TMTC1: variants seen among roughly 807,000 people sequenced by gnomAD.
TMTC1 encodes the protein protein O-mannosyl-transferase TMTC1.
In TMTC1, 73 loss-of-function variants were observed where a neutral mutation model predicts 104.8. The observed-to-expected ratio is 0.70, with a 90% CI of 0.58 to 0.85. The LOEUF is 0.85. Ranked by LOEUF, TMTC1 falls within the 40% of genes least tolerant of loss-of-function variation. The pLI is 0.00. For missense variants in TMTC1, 1,035 were observed against 1,096.1 expected (o/e 0.94, Z 0.79); for synonymous variants, 434 against 428.7 (o/e 1.01, Z -0.15).
At position 29,723,486 on chromosome 12, in the gene TMTC1, C is replaced by T. The variant is rs555200196; in HGVS notation, c.938+28180G>A. Among the ~76,000 whole-genome samples, 5 of 152,106 alleles carry T rather than the reference C, an allele frequency of 3.3e-5. 1 individual carries two copies. In the East Asian group the frequency reaches 9.7e-4, roughly 29 times the overall value. On this transcript the variant is annotated intron_variant, in intron 5 of 17. Transcript: ENST00000539277. ...CTGTAATCCCAGCACTTTGGGAGGC[C>T]AAGGCAGGAAGATCTCTTGAGCACA... is the stretch of plus-strand genomic sequence containing the variant.
At chr12:29,603,275 A>C (rs146456402) in intron 7 of TMTC1, among the ~76,000 whole-genome samples, 20 of 152,254 alleles carry the variant, frequency 1.3e-4, no homozygotes, top group African/African-American at 4.6e-4. Flanking sequence ...TCTAATTATA[A>C]GTGTTTTAAA....
At chr12:29,565,062 A>T (rs1945473109) in intron 9 of TMTC1, among the ~76,000 whole-genome samples, 1 of 152,190 alleles carries the variant, frequency 6.6e-6, no homozygotes, top group Non-Finnish European at 1.5e-5. Flanking sequence ...TTAGGGAGAC[A>T]TTTATCCTAA....
At chr12:29,741,338 TCA>T (rs1318319352) in intron 5 of TMTC1, among the ~76,000 whole-genome samples, 1 of 152,200 alleles carries the variant, frequency 6.6e-6, no homozygotes, top group Non-Finnish European at 1.5e-5. Context: ...CCTCTAACTC[TCA>T]CACAGTTTCT....
At chr12:29,624,781 C>T (rs1004087113) in intron 6 of TMTC1, among the ~76,000 whole-genome samples, 1 of 152,166 alleles carries the variant, frequency 6.6e-6, no homozygotes, top group Admixed American at 6.5e-5. Context: ...GCAGGTGGGA[C>T]TTTCATTTTG....
chr12:29,703,728 G>T (rs1448283876), intron 5 of TMTC1, among the ~76,000 whole-genome samples: 1 of 152,168 alleles, frequency 6.6e-6, no homozygotes, highest in Non-Finnish European at 1.5e-5. Flanking sequence ...CAACCTTAAA[G>T]GTTACCTTAA....
chr12:29,565,218 T>A (rs1945478518), intron 9 of TMTC1, among the ~76,000 whole-genome samples: 1 of 152,130 alleles, frequency 6.6e-6, no homozygotes, highest in African/African-American at 2.4e-5. Context: ...AAGTCTGTCT[T>A]TTTCTGTTAA....
chr12:29,669,269 A>C (rs1485878353), intron 5 of TMTC1, among the ~76,000 whole-genome samples: 1 of 152,246 alleles, frequency 6.6e-6, no homozygotes, highest in African/African-American at 2.4e-5. Context: ...TAATACTGGT[A>C]CAGTGGTGAA....
At chr12:29,734,828 A>G (rs981615771) in intron 5 of TMTC1, among the ~76,000 whole-genome samples, 3 of 152,182 alleles carry the variant, frequency 2.0e-5, no homozygotes, top group African/African-American at 7.2e-5. Flanking sequence ...TTCGGCTTCA[A>G]GACCATCTAT....
Position 29,643,708 on chromosome 12 carries a change from T to TTATAATAA in TMTC1, c.939-10373_939-10372insTTATTATA, listed in dbSNP as rs1565733668. The stretch of plus-strand genomic sequence containing the variant: ...TATATATATTATATATATTATATAT[T>TTATAATAA]ATATATATAATATATAAATATATAT... On this transcript the variant is annotated intron_variant, in intron 5 of 17. Transcript: ENST00000539277. Among the ~76,000 whole-genome samples the TTATAATAA allele has an allele frequency of 6.8e-3, 7 of 1,036 alleles. 1 individual carries two copies. The highest frequency in any genetic ancestry group is 0.045 in the Admixed American group (1 of 22). The allele number at this position is 1,036 out of a possible 152,430, so 0.7% of individuals were successfully genotyped here. A position where few individuals can be genotyped will look rare whatever the true frequency, so the allele number is the denominator to read the frequency against.
At chr12:29,555,578 G>A (rs369993595) in intron 10 of TMTC1, among the ~76,000 whole-genome samples, 1 of 151,870 alleles carries the variant, frequency 6.6e-6, no homozygotes, top group East Asian at 1.9e-4. Context: ...TGTGGTGTTT[G>A]GTTTTCTGTT....
At chr12:29,655,980 A>G (rs1939734724) in intron 5 of TMTC1, among the ~76,000 whole-genome samples, 1 of 152,186 alleles carries the variant, frequency 6.6e-6, no homozygotes, top group African/African-American at 2.4e-5. Context: ...TCCTAAATTC[A>G]GTAAAAGAGA....
Position 29,783,070 on chromosome 12 carries a change from A to T in TMTC1, c.302+380T>A. The T allele has an allele frequency of 4.7e-6, 1 of 214,470 alleles. No homozygotes were observed. The highest frequency in any genetic ancestry group is 9.1e-6 in the Non-Finnish European group (1 of 109,392). 13.3% of individuals were successfully genotyped at this position (214,470 alleles called of 1,614,324 possible). ...TTCTCTACTTGGAAGCATCGCCACC[A>T]CCGCCACCCCTCCGGAACCCTCTGG... is the stretch of plus-strand genomic sequence containing the variant. On this transcript the variant is annotated intron_variant, in intron 1 of 17. Transcript: ENST00000539277. This position sits in a 1 kb window ranked among gnomAD's most constrained non-coding sequence, Gnocchi z 4.7.
rs193087909 is a variant in TMTC1 at position 29,707,552 on chromosome 12, T to C, written c.938+44114A>G. On this transcript the variant is annotated intron_variant, in intron 5 of 17. Coordinates refer to ENST00000539277, the MANE Select transcript of TMTC1 (RefSeq NM_001193451.2). ...TCTCCTCTTTGAAGATCTCTTCTGA[T>C]AGCCACTAGCCCTTCTCCCACTGAA... is the stretch of plus-strand genomic sequence containing the variant. Among the ~76,000 whole-genome samples the C allele has an allele frequency of 5.9e-5, 9 of 152,268 alleles. No homozygotes were observed. The East Asian group carries it at 1.7e-3, about 29-fold the overall frequency.
At chr12:29,601,885 G>A (rs1404030308) in intron 7 of TMTC1, among the ~76,000 whole-genome samples, 3 of 149,826 alleles carry the variant, frequency 2.0e-5, no homozygotes, top group Admixed American at 6.7e-5. Context: ...TCCCAGGCTG[G>A]AGTGCAGTGG....
At chr12:29,713,928 G>A (rs746130718) in intron 5 of TMTC1, among the ~76,000 whole-genome samples, 8 of 152,038 alleles carry the variant, frequency 5.3e-5, no homozygotes, top group Non-Finnish European at 1.0e-4. Context: ...ATGGATTAAT[G>A]CTGCTATAAG....
At chr12:29,579,649 G>A (rs1945921246) in intron 8 of TMTC1, among the ~76,000 whole-genome samples, 1 of 152,134 alleles carries the variant, frequency 6.6e-6, no homozygotes, top group Admixed American at 6.5e-5. Flanking sequence ...AGGGAAGAGG[G>A]TTTAATCTAA....
chr12:29,575,666 T>C (rs1565681791), intron 8 of TMTC1, among the ~76,000 whole-genome samples: 1 of 152,116 alleles, frequency 6.6e-6, no homozygotes, highest in African/African-American at 2.4e-5. Flanking sequence ...ACCCCACACT[T>C]ACAGCTGCTT....
chr12:29,622,198 T>C (rs1591818024), intron 6 of TMTC1, among the ~76,000 whole-genome samples: 2 of 152,210 alleles, frequency 1.3e-5, no homozygotes, highest in Non-Finnish European at 1.5e-5. Context: ...TTTTCTCTCA[T>C]GTTTTTCTTT....
intron 7 of TMTC1, among the ~76,000 whole-genome samples, chr12:29,590,151 G>A (rs1212801463): frequency 2.0e-5 from 3 of 151,096 alleles, no homozygotes; most frequent in Non-Finnish European, 4.4e-5. Flanking sequence ...CAGGCAGCAG[G>A]CCACATTTGG....
Sources: gnomAD v4.1 joint callset for allele counts (sites outside exome capture counted in the v4.1 genomes callset) on GRCh38, gnomAD v4.1.1 for gene constraint, Gnocchi (gnomAD v3.1) non-coding constraint, MANE v1.5 for transcripts, NCBI Gene and HGNC (gene_info 2026-07-23, HGNC 2026-07-21) for gene names.